The following AGBL4 variants were observed in gnomAD, a reference collection of about 807,000 sequenced individuals.
AGBL4 encodes the protein cytosolic carboxypeptidase 6.
A neutral mutation model predicts 66.4 loss-of-function variants in AGBL4; 58 were observed. The observed-to-expected ratio is 0.87, with a 90% confidence interval of 0.71 to 1.09. AGBL4 has a LOEUF of 1.09. Ranked by LOEUF, AGBL4 falls within the 50% of genes least tolerant of loss-of-function variation. The probability of loss-of-function intolerance (pLI) is 0.00; values close to 1 mark genes in which losing one functional copy is unlikely to be tolerated. For synonymous variants in AGBL4, 234 were observed against 222.9 expected (o/e 1.05, Z -0.44); for missense variants, 579 against 631.0 (o/e 0.92, Z 0.88).
rs535723370 is a variant in AGBL4, at chr1:49,101,592, C to G, written c.378-55792G>C. Among the ~76,000 whole-genome samples the G allele has an allele frequency of 2.6e-5, 4 of 152,228 alleles. No individual in the cohort carries two copies. In the South Asian group the frequency reaches 8.3e-4, roughly 32 times the overall value. On this transcript the variant is annotated intron_variant, in intron 4 of 13. Transcript: ENST00000371839. ...TGACTAACAGCATGAATTCTGGAGT[C>G]AGAGGGATCTGTGTTTAAATCCTTA...
chr1:48,528,161 G>A (rs111566840), downstream of AGBL4, among the ~76,000 whole-genome samples: 1 of 152,266 alleles, frequency 6.6e-6, no homozygotes, highest in African/African-American at 2.4e-5. Context: ...AAGCGGTGGA[G>A]CTGAAATTAA....
intron 6 of AGBL4, among the ~76,000 whole-genome samples, chr1:48,778,533 T>A (rs1180894026): frequency 6.6e-6 from 1 of 152,224 alleles, no homozygotes; most frequent in African/African-American, 2.4e-5. Context: ...GTTATATTTT[T>A]AAAAATTCAT....
At chr1:49,067,986 G>A (rs1443998462) in intron 4 of AGBL4, among the ~76,000 whole-genome samples, 2 of 140,788 alleles carry the variant, frequency 1.4e-5, no homozygotes, top group African/African-American at 5.2e-5. Context: ...AATTTCCACC[G>A]ATGAGTGAGA....
At chr1:49,941,770 T>C (rs1654781422) in intron 1 of AGBL4, among the ~76,000 whole-genome samples, 1 of 152,056 alleles carries the variant, frequency 6.6e-6, no homozygotes, top group African/African-American at 2.4e-5. Context: ...AGCCCACAGC[T>C]AATACCATAC....
At chr1:48,908,962 T>C (rs1652853341) in intron 5 of AGBL4, among the ~76,000 whole-genome samples, 1 of 151,954 alleles carries the variant, frequency 6.6e-6, no homozygotes, top group Non-Finnish European at 1.5e-5. Flanking sequence ...TTGCATCTAC[T>C]CTGAACACCC....
intron 3 of AGBL4, among the ~76,000 whole-genome samples, chr1:49,491,158 T>C (rs769635020): frequency 1.3e-4 from 19 of 151,844 alleles, no homozygotes; most frequent in Non-Finnish European, 1.6e-4. Flanking sequence ...GCAGTACTGG[T>C]ACATAATCAG....
chr1:49,474,671 A>T (rs975079155), intron 3 of AGBL4, among the ~76,000 whole-genome samples: 5 of 151,866 alleles, frequency 3.3e-5, no homozygotes, highest in African/African-American at 9.7e-5. Flanking sequence ...TGAACTATTT[A>T]AAAAAATAGC....
At chr1:48,688,339 C>G (rs545468859) in intron 6 of AGBL4, among the ~76,000 whole-genome samples, 37 of 152,294 alleles carry the variant, frequency 2.4e-4, no homozygotes, top group South Asian at 1.2e-3. Flanking sequence ...CCCTAAGCTT[C>G]CAGGGCGCTC....
intron 5 of AGBL4, among the ~76,000 whole-genome samples, chr1:48,980,734 T>C (rs1419743579): frequency 2.6e-3 from 5 of 1,934 alleles, no homozygotes; most frequent in African/African-American, 6.0e-3. Flanking sequence ...TATATATATA[T>C]ATATATATAT....
chr1:49,086,081 C>G (rs1644902022), intron 4 of AGBL4, among the ~76,000 whole-genome samples: 1 of 152,186 alleles, frequency 6.6e-6, no homozygotes. Context: ...CTCCTATTGT[C>G]CTGGGAAGCA....
chr1:49,521,615 A>G (rs1434780421), intron 3 of AGBL4, among the ~76,000 whole-genome samples: 1 of 152,086 alleles, frequency 6.6e-6, no homozygotes, highest in Non-Finnish European at 1.5e-5. Flanking sequence ...ATACAGAAGA[A>G]TAAAAATGGA....
chr1:49,036,316 T>A (rs531656984), intron 5 of AGBL4, among the ~76,000 whole-genome samples: 1 of 152,118 alleles, frequency 6.6e-6, no homozygotes, highest in Non-Finnish European at 1.5e-5. Flanking sequence ...CAGAGCAAGA[T>A]AAGGCAATAG....
At chr1:49,012,504 G>A (rs1448097994) in intron 5 of AGBL4, among the ~76,000 whole-genome samples, 3 of 152,164 alleles carry the variant, frequency 2.0e-5, no homozygotes, top group Admixed American at 1.3e-4. Context: ...AGAAGAGAGA[G>A]CTAGGGAGTT....
intron 2 of AGBL4, among the ~76,000 whole-genome samples, chr1:49,720,796 A>T (rs1407962673): frequency 2.6e-5 from 4 of 152,210 alleles, no homozygotes; most frequent in African/African-American, 9.6e-5. Context: ...ATATGTAAAA[A>T]GTGTTATAGG....
intron 3 of AGBL4, among the ~76,000 whole-genome samples, chr1:49,430,100 G>C (rs1463376155): frequency 6.6e-6 from 1 of 151,974 alleles, no homozygotes; most frequent in African/African-American, 2.4e-5. Context: ...CAATCCACCT[G>C]CCTCGGCCTC....
rs61198265 is a variant in AGBL4 at position 48,536,431 on chromosome 1, T to C, written c.1365-1515A>G. Among the ~76,000 whole-genome samples the C allele has an allele frequency of 2.8e-3, 432 of 152,266 alleles. 4 individuals are homozygous for C. Among genetic ancestry groups the C allele is most frequent in the African/African-American group, 9.9e-3 (411 of 41,554 alleles). On this transcript the variant is annotated intron_variant, in intron 12 of 13. Transcript: ENST00000371839. ...TTACCCTAAAGGTAATGGGGAGCCA[T>C]AGAAGGTTTTTGAGAGAAGGCATAA...
At chr1:48,820,690 T>G (rs1286576463) in intron 6 of AGBL4, among the ~76,000 whole-genome samples, 2 of 152,194 alleles carry the variant, frequency 1.3e-5, no homozygotes, top group African/African-American at 4.8e-5. Flanking sequence ...ACCTTTGGAC[T>G]GGAACTATAG....
At chr1:49,054,968 T>C (rs1429939753) in intron 4 of AGBL4, among the ~76,000 whole-genome samples, 1 of 152,036 alleles carries the variant, frequency 6.6e-6, no homozygotes, top group African/African-American at 2.4e-5. Flanking sequence ...TTTATCAATT[T>C]GCAATTATTT....
intron 3 of AGBL4, among the ~76,000 whole-genome samples, chr1:49,512,552 C>T (rs542814194): frequency 6.6e-6 from 1 of 151,718 alleles, no homozygotes; most frequent in Non-Finnish European, 1.5e-5. Flanking sequence ...TGCCACCCCC[C>T]CTCTTTCCTA....
Sources: gnomAD v4.1 joint callset for allele counts (sites outside exome capture counted in the v4.1 genomes callset) on GRCh38, gnomAD v4.1.1 for gene constraint, MANE v1.5 for transcripts, NCBI Gene and HGNC (gene_info 2026-07-23, HGNC 2026-07-21) for gene names.